The following TSNAX variants were observed in gnomAD, a reference collection of about 807,000 sequenced individuals.
TSNAX encodes translin associated factor X.
In TSNAX, 12 loss-of-function variants were observed where a neutral mutation model predicts 33.0. That is an observed-to-expected ratio of 0.36 (90% CI 0.23 to 0.59). The LOEUF (loss-of-function observed/expected upper bound fraction) is 0.59, where lower values mean the gene tolerates loss of function less well. Ranked by LOEUF, TSNAX falls within the 20% of genes least tolerant of loss-of-function variation. TSNAX has a pLI of 0.74. For synonymous variants in TSNAX, 110 were observed against 117.2 expected, an observed-to-expected ratio of 0.94 and a Z score of 0.40; for missense variants, 267 against 341.3, an observed-to-expected ratio of 0.78 and a Z score of 1.72.
intron 2 of TSNAX, chr1:231,534,859 A>C (rs1176208910): frequency 3.3e-5 from 5 of 152,222 alleles, no homozygotes; most frequent in African/African-American, 1.2e-4. Context: ...AAACAAGTGC[A>C]TTTACAAATA....
At chr1:231,564,333 A>C (rs1429752357) in intron 5 of TSNAX, among the ~76,000 whole-genome samples, 195 bp from the exon 6 acceptor site, 1 of 152,218 alleles carries the variant, frequency 6.6e-6, no homozygotes, top group African/African-American at 2.4e-5. Context: ...CAGGGCACAC[A>C]TTCCTCCTGT....
At chr1:231,547,158 GT>G (rs1027893798) in intron 4 of TSNAX, among the ~76,000 whole-genome samples, 8 of 152,132 alleles carry the variant, frequency 5.3e-5, no homozygotes, top group African/African-American at 1.9e-4. Context: ...TTTTTCTTTT[GT>G]TTGAAAGCAT....
intron 4 of TSNAX, among the ~76,000 whole-genome samples, chr1:231,546,244 GA>G: frequency 6.6e-6 from 1 of 152,282 alleles, no homozygotes; most frequent in Middle Eastern, 3.4e-3. Flanking sequence ...AAAGAATGAA[GA>G]ACAAAACTAA....
chr1:231,539,332 T>C (rs1659404837), intron 3 of TSNAX, among the ~76,000 whole-genome samples: 1 of 152,112 alleles, frequency 6.6e-6, no homozygotes, highest in Non-Finnish European at 1.5e-5. Context: ...GGACTGGAAG[T>C]GTTTTGGATT....
At chr1:231,539,169 G>A (rs181971121) in intron 3 of TSNAX, among the ~76,000 whole-genome samples, 2 of 151,994 alleles carry the variant, frequency 1.3e-5, no homozygotes, top group South Asian at 2.1e-4. Context: ...TTGTATTATC[G>A]AAAGAAGCAA....
chr1:231,544,339 T>TC (rs1310114699), intron 4 of TSNAX, among the ~76,000 whole-genome samples: 1 of 152,230 alleles, frequency 6.6e-6, no homozygotes, highest in Non-Finnish European at 1.5e-5. Context: ...ATTTTTTCTA[T>TC]CACATCATCA....
chr1:231,531,711 T>G (rs1658729935), intron 2 of TSNAX, among the ~76,000 whole-genome samples: 1 of 152,168 alleles, frequency 6.6e-6, no homozygotes, highest in South Asian at 2.1e-4. Flanking sequence ...TTTTTTCAGT[T>G]CGTGCAATAT....
chr1:231,550,855 G>T (rs1401208732), intron 4 of TSNAX, among the ~76,000 whole-genome samples: 1 of 152,150 alleles, frequency 6.6e-6, no homozygotes, highest in Non-Finnish European at 1.5e-5. Context: ...TCATTTTAAT[G>T]GAGGAGGTCA....
rs1477140776 is a variant in TSNAX, at chr1:231,565,831, TC to T, written c.*928del. On this transcript the variant is annotated 3_prime_UTR_variant, in exon 6 of 6. Transcript: ENST00000366639. ...ATTTAAAATTTATATAAAACAACCT[TC>T]CATAAAAATTTGACAGGTGCCCAGA... 1 of 152,130 alleles carries T rather than the reference TC, an allele frequency of 6.6e-6. No individual in the cohort carries two copies. The highest frequency in any genetic ancestry group is 1.5e-5 in the Non-Finnish European group (1 of 68,028). 9.4% of individuals were successfully genotyped at this position (152,130 alleles called of 1,614,324 possible).
intron 4 of TSNAX, among the ~76,000 whole-genome samples, chr1:231,558,966 A>C (rs1160049462): frequency 6.6e-6 from 1 of 152,084 alleles, no homozygotes; most frequent in Non-Finnish European, 1.5e-5. Context: ...TATCAAAACC[A>C]GGGTCACCCA....
At chr1:231,547,750 T>C (rs1465284105) in intron 4 of TSNAX, among the ~76,000 whole-genome samples, 3 of 151,966 alleles carry the variant, frequency 2.0e-5, no homozygotes, top group African/African-American at 4.8e-5. Context: ...ACATATTGAC[T>C]TAGGATAACA....
At position 231,539,435 on chromosome 1, in the gene TSNAX, G is replaced by A. The variant is rs184777266; in HGVS notation, c.236+2108G>A. ...AAGTGCTCTTGTGAGCATTTCCTTAGAGTGTCTTGTTGCTAAGAAAGTTTT... is the reference window on the plus strand; with the variant it reads ...AAGTGCTCTTGTGAGCATTTCCTTAAAGTGTCTTGTTGCTAAGAAAGTTTT... On this transcript the variant is annotated intron_variant, in intron 3 of 5. Coordinates refer to ENST00000366639, the MANE Select transcript of TSNAX (RefSeq NM_005999.3). 8.5e-4 allele frequency among the ~76,000 whole-genome samples: 130 copies of A among 152,282 alleles called. No individual in the cohort carries two copies. In the Middle Eastern group the frequency reaches 0.01, roughly 12 times the overall value.
chr1:231,558,441 C>T lies in TSNAX; in HGVS notation c.368-2687C>T, dbSNP rs190016333. Among the ~76,000 whole-genome samples, 19 of 152,236 alleles carry T rather than the reference C, an allele frequency of 1.2e-4. No individual in the cohort carries two copies. In the East Asian group the frequency reaches 3.5e-3, roughly 28 times the overall value. Reference sequence around the variant, plus strand: ...GCATAGGAGACATGCTTTAAGTATCCACCTCCTTCTTCTGAAATAATGGAA... The same window carrying T: ...GCATAGGAGACATGCTTTAAGTATCTACCTCCTTCTTCTGAAATAATGGAA... On this transcript the variant is annotated intron_variant, in intron 4 of 5. Coordinates refer to ENST00000366639, the MANE Select transcript of TSNAX (RefSeq NM_005999.3).
rs148463293 is a variant in TSNAX at position 231,544,461 on chromosome 1, A to T, written c.367+1850A>T. On this transcript the variant is annotated intron_variant, in intron 4 of 5. Coordinates refer to ENST00000366639, the MANE Select transcript of TSNAX (RefSeq NM_005999.3). The stretch of plus-strand genomic sequence containing the variant: ...CTGCTTAAAACTTGTATTTTAATAA[A>T]AATTCACATATTTTCCCCAAAATGT... Among the ~76,000 whole-genome samples the T allele has an allele frequency of 3.6e-3, 544 of 152,350 alleles. 2 individuals carry two copies. The highest frequency in any genetic ancestry group is 0.012 in the African/African-American group (518 of 41,592).
At chr1:231,558,764 CATTTA>C (rs1455598595) in intron 4 of TSNAX, among the ~76,000 whole-genome samples, 6 of 152,014 alleles carry the variant, frequency 3.9e-5, no homozygotes, top group African/African-American at 7.3e-5. Flanking sequence ...TAAAATTAAA[CATTTA>C]ATTAAAAATA....
At chr1:231,535,889 G>T (rs994434600) in intron 2 of TSNAX, 1 of 152,218 alleles carries the variant, frequency 6.6e-6, no homozygotes, top group African/African-American at 2.4e-5. Context: ...TGGGAGATTT[G>T]TGTCCGTAAC....
At chr1:231,532,171 C>CACACACACACACACACACACACA (rs1658788278) in intron 2 of TSNAX, among the ~76,000 whole-genome samples, 1 of 93,970 alleles carries the variant, frequency 1.1e-5, no homozygotes, top group East Asian at 2.1e-4. Flanking sequence ...CACACACACA[C>CACACACACACACACACACACACA]ACACACACAC....
chr1:231,564,983 T>C lies in TSNAX; in HGVS notation c.*78T>C. The C allele has an allele frequency of 1.0e-5, 15 of 1,489,588 alleles. No individual in the cohort carries two copies. The South Asian group carries it at 2.0e-4, about 20-fold the overall frequency. The allele number at this position is 1,489,588 out of a possible 1,614,324, so 92.3% of individuals were successfully genotyped here. The stretch of plus-strand genomic sequence containing the variant: ...TTGTAAGACTTATTTAGTATTTCAT[T>C]TAACTTTATTGTGGCTTTTACATAG... On this transcript the variant is annotated 3_prime_UTR_variant, in exon 6 of 6. Coordinates refer to ENST00000366639, the MANE Select transcript of TSNAX (RefSeq NM_005999.3).
At chr1:231,532,848 C>A (rs1372454698) in intron 2 of TSNAX, among the ~76,000 whole-genome samples, 1 of 152,090 alleles carries the variant, frequency 6.6e-6, no homozygotes, top group Non-Finnish European at 1.5e-5. Context: ...ATTTTATTCT[C>A]TTCATTTTCA....
Sources: gnomAD v4.1 joint callset for allele counts (sites outside exome capture counted in the v4.1 genomes callset) on GRCh38, gnomAD v4.1.1 for gene constraint, MANE v1.5 for transcripts, NCBI Gene and HGNC (gene_info 2026-07-23, HGNC 2026-07-21) for gene names.